The following SKIC2 variants were observed in gnomAD, a reference collection of about 807,000 sequenced individuals.
SKIC2 encodes the protein superkiller complex protein 2.
At chr6:31,960,372 A>G in the SKIC2 span, 1 of 1,598,708 alleles carries the variant, frequency 6.3e-7, no homozygotes, top group Non-Finnish European at 8.6e-7. Flanking sequence ...ACAGTTGGGG[A>G]GAAGGGGAGG....
chr6:31,962,680 A>C, the SKIC2 span: 1 of 1,606,576 alleles, frequency 6.2e-7, no homozygotes. The surrounding 1 kb of genome is among the most constrained non-coding windows in gnomAD (Gnocchi z 5.0). Flanking sequence ...GAGACGAGCC[A>C]CTGGGGAGTC....
chr6:31,964,632 G>A, the SKIC2 span, among the ~76,000 whole-genome samples: 8 of 152,172 alleles, frequency 5.3e-5, no homozygotes, highest in Admixed American at 1.3e-4. The surrounding 1 kb of genome is among the most constrained non-coding windows in gnomAD (Gnocchi z 5.0). Context: ...GCAAGCATTC[G>A]AAAAGTTATT....
chr6:31,967,423 G>A, the SKIC2 span: 51 of 1,438,044 alleles, frequency 3.5e-5, no homozygotes, highest in Non-Finnish European at 4.7e-5. The surrounding 1 kb of genome is among the most constrained non-coding windows in gnomAD (Gnocchi z 4.9). Flanking sequence ...GAGGGAGCAA[G>A]CCCTCTCTCC....
the SKIC2 span, chr6:31,960,286 C>A: frequency 5.0e-6 from 8 of 1,613,384 alleles, no homozygotes; most frequent in African/African-American, 8.0e-5. Flanking sequence ...TCCCATCCGA[C>A]CTACAGGCCC....
the SKIC2 span, chr6:31,962,156 TTAAG>T: frequency 8.1e-7 from 1 of 1,241,638 alleles, no homozygotes; most frequent in Non-Finnish European, 1.2e-6. The surrounding 1 kb of genome is among the most constrained non-coding windows in gnomAD (Gnocchi z 5.0). Context: ...AGCTCATCCT[TTAAG>T]TGAGAGGTTC....
chr6:31,959,906 G>T, the SKIC2 span: 1 of 823,318 alleles, frequency 1.2e-6, no homozygotes, highest in Non-Finnish European at 2.0e-6. Context: ...TAGTCTGTTT[G>T]ACACATCTGC....
chr6:31,961,615 T>G, the SKIC2 span: 2 of 1,613,038 alleles, frequency 1.2e-6, no homozygotes, highest in Non-Finnish European at 1.7e-6. Flanking sequence ...GGGCCATCCC[T>G]GTGGACGCCA....
At chr6:31,961,037 A>G in the SKIC2 span, 1 of 1,607,326 alleles carries the variant, frequency 6.2e-7, no homozygotes. Flanking sequence ...TCCCTATCCT[A>G]CAGATCTTCT....
At chr6:31,968,828 T>C in the SKIC2 span, 3 of 1,607,928 alleles carry the variant, frequency 1.9e-6, no homozygotes, top group African/African-American at 2.7e-5. This position sits in a 1 kb window ranked among gnomAD's most constrained non-coding sequence, Gnocchi z 6.1. Flanking sequence ...GCAGGGGGGC[T>C]AGGGGACAGC....
the SKIC2 span, chr6:31,962,057 A>G: frequency 6.2e-7 from 1 of 1,612,340 alleles, no homozygotes; most frequent in Non-Finnish European, 8.5e-7. This position sits in a 1 kb window ranked among gnomAD's most constrained non-coding sequence, Gnocchi z 5.0. Flanking sequence ...ATGACACGGT[A>G]TGAGTTCCTT....
At chr6:31,968,659 A>G in the SKIC2 span, 1 of 1,591,158 alleles carries the variant, frequency 6.3e-7, no homozygotes, top group Admixed American at 1.7e-5. This position sits in a 1 kb window ranked among gnomAD's most constrained non-coding sequence, Gnocchi z 6.1. Context: ...AGGGGCAAGG[A>G]GAAGGCTGAC....
the SKIC2 span, chr6:31,962,408 G>A: frequency 1.2e-6 from 2 of 1,613,502 alleles, no homozygotes; most frequent in Non-Finnish European, 1.7e-6. The surrounding 1 kb of genome is among the most constrained non-coding windows in gnomAD (Gnocchi z 5.0). Context: ...AGTCTGCGGA[G>A]GGACTGGCTA....
chr6:31,968,162 C>T, the SKIC2 span: 6 of 1,577,448 alleles, frequency 3.8e-6, no homozygotes, highest in Non-Finnish European at 5.2e-6. This position sits in a 1 kb window ranked among gnomAD's most constrained non-coding sequence, Gnocchi z 6.1. Context: ...GAGTTTCCTC[C>T]AGCCTGAGGG....
the SKIC2 span, chr6:31,964,362 G>A: frequency 3.1e-6 from 5 of 1,593,358 alleles, no homozygotes; most frequent in African/African-American, 1.3e-5. The surrounding 1 kb of genome is among the most constrained non-coding windows in gnomAD (Gnocchi z 5.0). Context: ...GTGGTGGAAA[G>A]GGACTCCTCA....
the SKIC2 span, chr6:31,962,775 G>T: frequency 2.5e-6 from 4 of 1,612,086 alleles, no homozygotes; most frequent in Non-Finnish European, 3.4e-6. The surrounding 1 kb of genome is among the most constrained non-coding windows in gnomAD (Gnocchi z 5.0). Context: ...CTTTGATGAG[G>T]TTCACTATAT....
chr6:31,963,610 T>C, the SKIC2 span: 11 of 1,529,708 alleles, frequency 7.2e-6, no homozygotes, highest in African/African-American at 4.2e-5. This position sits in a 1 kb window ranked among gnomAD's most constrained non-coding sequence, Gnocchi z 5.3. Flanking sequence ...CAGCTGGACA[T>C]TGTGGCTACC....
At chr6:31,964,277 C>T in the SKIC2 span, 5 of 1,613,094 alleles carry the variant, frequency 3.1e-6, no homozygotes, top group South Asian at 5.5e-5. This position sits in a 1 kb window ranked among gnomAD's most constrained non-coding sequence, Gnocchi z 5.0. Context: ...GGGTGTGCAC[C>T]ATAGCGGCAT....
the SKIC2 span, chr6:31,968,436 G>A: frequency 1.2e-6 from 2 of 1,612,906 alleles, no homozygotes; most frequent in African/African-American, 1.3e-5. This position sits in a 1 kb window ranked among gnomAD's most constrained non-coding sequence, Gnocchi z 6.1. Flanking sequence ...ATGACCTGCA[G>A]CTCAAAGATA....
the SKIC2 span, chr6:31,966,084 C>T: frequency 4.9e-6 from 5 of 1,010,452 alleles, no homozygotes; most frequent in Admixed American, 2.8e-5. The surrounding 1 kb of genome is among the most constrained non-coding windows in gnomAD (Gnocchi z 5.9). Context: ...CGATTCTCCT[C>T]TCTTCTTTTT....
Sources: allele counts gnomAD v4.1 joint callset (sites outside exome capture counted in the v4.1 genomes callset), GRCh38; gene constraint gnomAD v4.1.1; non-coding constraint Gnocchi (gnomAD v3.1); transcripts MANE v1.5; gene names NCBI Gene and HGNC (gene_info 2026-07-23, HGNC 2026-07-21).